TRPV4: variants seen among roughly 807,000 people sequenced by gnomAD.
TRPV4 encodes the protein OSM9-like transient receptor potential channel 4.
TRPV4 carries 58 observed loss-of-function variants against 84.1 expected under a neutral mutation model. The observed-to-expected ratio is 0.69, with a 90% confidence interval of 0.56 to 0.86. The LOEUF (loss-of-function observed/expected upper bound fraction) is 0.86. Among genes scored for constraint, TRPV4 ranks in the 40% least tolerant of loss-of-function variants. TRPV4 has a pLI of 0.00. For missense variants in TRPV4, 879 were observed against 1,181.1 expected (o/e 0.74, Z 3.75); for synonymous variants, 489 against 500.9 (o/e 0.98, Z 0.32).
chr12:109,807,331 C>G (rs993483983), intron 3 of TRPV4, among the ~76,000 whole-genome samples: 2 of 150,224 alleles, frequency 1.3e-5, no homozygotes, highest in African/African-American at 4.9e-5. Context: ...CAGACTTAGG[C>G]TGTAGACCAA....
intron 2 of TRPV4, among the ~76,000 whole-genome samples, chr12:109,811,834 A>G (rs1891542527): frequency 6.6e-6 from 1 of 151,792 alleles, no homozygotes; most frequent in Non-Finnish European, 1.5e-5. Flanking sequence ...TCATCTCCAG[A>G]CCTCAGCACC....
At chr12:109,792,594 G>T in intron 11 of TRPV4, 58 bp downstream of exon 11, 1 of 1,592,252 alleles carries the variant, frequency 6.3e-7, no homozygotes, top group Non-Finnish European at 8.6e-7. Flanking sequence ...TGTGCATGTG[G>T]TGTGTGTGTG....
In TRPV4 at chr12:109,802,994, G is replaced by A. The variant is rs746368269; in HGVS notation, c.709C>T (p.Arg237Ter). 1.1e-5 allele frequency: 18 copies of A among 1,613,716 alleles called. No homozygotes were observed. The highest frequency in any genetic ancestry group is 2.7e-5 in the African/African-American group (2 of 74,920). Residue 237 changes from arginine to a stop codon, truncating the protein, a stop_gained, in exon 4 of 16, where the codon CGA (arginine) becomes TGA (stop). Coordinates refer to ENST00000261740, the MANE Select transcript of TRPV4 (RefSeq NM_021625.5). LOFTEE classifies it high-confidence loss of function. Reference protein sequence around the residue: ...INSPFRDIYYRGQTALHIAIE... With the variant: ...INSPFRDIYY ...CCTGCCCAGCCCGGGGCCCCACCTC[G>A]ATAGTAGATGTCACGGAAGGGCGAG...
At chr12:109,805,293 G>A (rs989077114) in intron 3 of TRPV4, among the ~76,000 whole-genome samples, 1 of 152,234 alleles carries the variant, frequency 6.6e-6, no homozygotes, top group African/African-American at 2.4e-5. Context: ...GGGCACCCCA[G>A]GTAATTCCAA....
intron 1 of TRPV4, among the ~76,000 whole-genome samples, chr12:109,829,321 C>A (rs1229593423): frequency 6.6e-6 from 1 of 152,146 alleles, no homozygotes; most frequent in Non-Finnish European, 1.5e-5. Flanking sequence ...AAACTGAGGC[C>A]AAAGGAATAA....
intron 3 of TRPV4, among the ~76,000 whole-genome samples, chr12:109,807,967 CG>C (rs1183746541): frequency 4.6e-5 from 7 of 152,152 alleles, no homozygotes; most frequent in Non-Finnish European, 2.9e-5. Flanking sequence ...GATGAGGAAA[CG>C]GAGGCTCAGA....
rs573979569 is a variant in TRPV4, at chr12:109,798,297, T to G, written c.1152+317A>C. The stretch of plus-strand genomic sequence containing the variant: ...AACTGGGGCAGGGCCATTCAACAGG[T>G]TTGAGGCTGGGAGCACCGCTGGGCT... On this transcript the variant is annotated intron_variant, in intron 6 of 15. Transcript: ENST00000261740. This position sits in a 1 kb window ranked among gnomAD's most constrained non-coding sequence, Gnocchi z 5.0. Among the ~76,000 whole-genome samples the G allele has an allele frequency of 1.5e-4, 23 of 152,044 alleles. No homozygotes were observed. Among genetic ancestry groups the G allele is most frequent in the Non-Finnish European group, 2.9e-4 (20 of 67,986 alleles).
In TRPV4 at chr12:109,786,922, C is replaced by A; in HGVS notation, c.2209-85G>T. ...CTGGTGGCAGAAATGAGACAACGGG[C>A]CAGGGTGGGCCCAGAACTAGGCATT... On this transcript the variant is annotated intron_variant, in intron 13 of 15. Transcript: ENST00000261740. This position sits in a 1 kb window ranked among gnomAD's most constrained non-coding sequence, Gnocchi z 4.5. The A allele has an allele frequency of 6.3e-7, 1 of 1,588,820 alleles. No homozygotes were observed.
intron 12 of TRPV4, among the ~76,000 whole-genome samples, chr12:109,789,441 C>T (rs1203845386): frequency 1.3e-5 from 2 of 152,132 alleles, no homozygotes; most frequent in African/African-American, 2.4e-5. Context: ...TGACAGTTTC[C>T]CACTCCACCC....
Position 109,786,575 on chromosome 12 carries a change from G to A in TRPV4, c.2336+135C>T. The A allele has an allele frequency of 8.5e-7, 1 of 1,170,032 alleles. No individual in the cohort carries two copies. 72.5% of individuals were successfully genotyped at this position (1,170,032 alleles called of 1,614,324 possible). Reference sequence around the variant, plus strand: ...TTGCCTGAGATCGCCTGGTGGAAATGAACTCTGCTCGGGCCTCTTGGGGCC... The same window carrying A: ...TTGCCTGAGATCGCCTGGTGGAAATAAACTCTGCTCGGGCCTCTTGGGGCC... On this transcript the variant is annotated intron_variant, in intron 14 of 15. Coordinates refer to ENST00000261740, the MANE Select transcript of TRPV4 (RefSeq NM_021625.5). The surrounding 1 kb of genome is among the most constrained non-coding windows in gnomAD (Gnocchi z 4.5).
chr12:109,833,232 C>T (rs1354355664), intron 1 of TRPV4, 118 bp downstream of exon 1: 1 of 152,338 alleles, frequency 6.6e-6, no homozygotes, highest in Admixed American at 6.5e-5. Flanking sequence ...CTCCCGCGCC[C>T]CTGGCCCGCA....
intron 1 of TRPV4, among the ~76,000 whole-genome samples, chr12:109,820,541 T>TTTTTTTTTTTTA (rs1555212291): frequency 7.1e-6 from 1 of 141,204 alleles, no homozygotes; most frequent in Non-Finnish European, 1.5e-5. Flanking sequence ...TTTTTTTTTT[T>TTTTTTTTTTTTA]GAGACGGAGT....
chr12:109,816,074 A>T (rs1195861003), intron 1 of TRPV4, among the ~76,000 whole-genome samples: 1 of 152,258 alleles, frequency 6.6e-6, no homozygotes, highest in Admixed American at 6.5e-5. Context: ...CCTCTCTTGT[A>T]CATCTCACCC....
At chr12:109,823,046 C>T (rs947009830) in intron 1 of TRPV4, among the ~76,000 whole-genome samples, 12 of 152,178 alleles carry the variant, frequency 7.9e-5, no homozygotes, top group East Asian at 1.9e-4. Context: ...CTCGAAGTGG[C>T]GGCTGCTGGG....
chr12:109,799,447 CT>C (rs1434453785), intron 5 of TRPV4, among the ~76,000 whole-genome samples: 1 of 152,192 alleles, frequency 6.6e-6, no homozygotes, highest in Non-Finnish European at 1.5e-5. Context: ...CCGCGCCCAG[CT>C]GATGATGGAA....
Position 109,806,860 on chromosome 12 carries a change from CAAAAAAAAA to C in TRPV4, c.559+1427_559+1435del, listed in dbSNP as rs1181923346. ...TGGGTGACAGAATGAGACCCTATCT[CAAAAAAAAA>C]AAAGAAAAAAAAAAAAAAAACAGGT... On this transcript the variant is annotated intron_variant, in intron 3 of 15. Coordinates refer to ENST00000261740, the MANE Select transcript of TRPV4 (RefSeq NM_021625.5). 8.8e-5 allele frequency among the ~76,000 whole-genome samples: 4 copies of C among 45,622 alleles called. No homozygotes were observed. The Admixed American group carries it at 9.5e-4, about 11-fold the overall frequency. The allele number at this position is 45,622 out of a possible 152,430, so 29.9% of individuals were successfully genotyped here.
chr12:109,820,547 G>C (rs367683303), intron 1 of TRPV4, among the ~76,000 whole-genome samples: 14 of 75,110 alleles, frequency 1.9e-4, no homozygotes, highest in African/African-American at 6.1e-4. Context: ...TTTTTGAGAC[G>C]GAGTCTCCCT....
intron 3 of TRPV4, among the ~76,000 whole-genome samples, chr12:109,807,268 C>T (rs567526550): frequency 7.7e-6 from 1 of 129,272 alleles, no homozygotes; most frequent in Non-Finnish European, 1.6e-5. Context: ...AAGAATGAAA[C>T]TCTGTCTCAA....
At chr12:109,810,929 A>G (rs1053074686) in intron 2 of TRPV4, among the ~76,000 whole-genome samples, 1 of 151,950 alleles carries the variant, frequency 6.6e-6, no homozygotes, top group South Asian at 2.1e-4. Context: ...AACACTGGGC[A>G]CTCTGCTGCT....
Sources: gnomAD v4.1 joint callset for allele counts (sites outside exome capture counted in the v4.1 genomes callset) on GRCh38, gnomAD v4.1.1 for gene constraint, Gnocchi (gnomAD v3.1) non-coding constraint, MANE v1.5 for transcripts, NCBI Gene and HGNC (gene_info 2026-07-23, HGNC 2026-07-21) for gene names.